Variants in CASC3 observed in about 807,000 individuals in gnomAD.
CASC3 encodes the protein protein CASC3.
A neutral mutation model predicts 80.5 loss-of-function variants in CASC3; 30 were observed. The observed-to-expected ratio is 0.37, with a 90% CI of 0.28 to 0.51. The LOEUF is 0.51. Ranked by LOEUF, CASC3 falls within the 20% of genes least tolerant of loss-of-function variation. CASC3 has a pLI of 0.94. For synonymous variants in CASC3, 312 were observed against 333.6 expected (o/e 0.94, Z 0.70); for missense variants, 824 against 922.2 (o/e 0.89, Z 1.38).
At chr17:40,150,053 G>A (rs182976047) in intron 3 of CASC3, among the ~76,000 whole-genome samples, 1 of 152,158 alleles carries the variant, frequency 6.6e-6, no homozygotes, top group South Asian at 2.1e-4. Flanking sequence ...AAGGAAGTTA[G>A]CGTTCCTTTC....
In CASC3 at chr17:40,142,579, G is replaced by C. The variant is rs548030190; in HGVS notation, c.297+972G>C. On this transcript the variant is annotated intron_variant, in intron 3 of 13. Coordinates refer to ENST00000264645, the MANE Select transcript of CASC3 (RefSeq NM_007359.5). The stretch of plus-strand genomic sequence containing the variant: ...TTGAGGCCAGGAGTTTGAGACCAAC[G>C]TGGCCAAAATGGTGAAACTCCATCT... 7.2e-5 allele frequency among the ~76,000 whole-genome samples: 11 copies of C among 152,222 alleles called. No individual in the cohort carries two copies. In the East Asian group the frequency reaches 1.7e-3, roughly 24 times the overall value.
At position 40,168,549 on chromosome 17, in the gene CASC3, C is replaced by T. The variant is rs555214305; in HGVS notation, c.1965+132C>T. The T allele has an allele frequency of 3.0e-4, 233 of 774,128 alleles. 3 individuals are homozygous for T. The highest frequency in any genetic ancestry group is 2.2e-3 in the Middle Eastern group (7 of 3,138). 48.0% of individuals were successfully genotyped at this position (774,128 alleles called of 1,614,324 possible). On this transcript the variant is annotated intron_variant, in intron 11 of 13. Transcript: ENST00000264645. ...CACTGATTTGTATGTGACACCAAGA[C>T]GCCTCTTAGTGGTCAGGAGCTGGAA...
intron 8 of CASC3, chr17:40,167,088 A>G: frequency 1.9e-6 from 1 of 530,228 alleles, no homozygotes; most frequent in African/African-American, 2.0e-5. Context: ...CAGCCTCCCG[A>G]GTAGCTGGCA....
In CASC3 at chr17:40,170,983, C is replaced by T. The variant is rs531133299; in HGVS notation, c.*578C>T. 1.0e-6 allele frequency: 1 copy of T among 985,508 alleles called. No individual in the cohort carries two copies. The highest frequency in any genetic ancestry group is 1.7e-5 in the African/African-American group (1 of 57,322). The allele number at this position is 985,508 out of a possible 1,614,324, so 61.0% of individuals were successfully genotyped here. On this transcript the variant is annotated 3_prime_UTR_variant, in exon 14 of 14. Transcript: ENST00000264645. ...GGAGAATGTATCAGCCAGCCTTCCC[C>T]ACCAAGTCTAAAAAGACCTGGCCTT...
intron 3 of CASC3, among the ~76,000 whole-genome samples, chr17:40,156,690 A>G (rs1195806094): frequency 1.3e-5 from 2 of 151,874 alleles, no homozygotes; most frequent in Admixed American, 6.6e-5. Context: ...CTCCGTTTCA[A>G]TAAAAAAAAA....
intron 3 of CASC3, among the ~76,000 whole-genome samples, 185 bp downstream of exon 3, chr17:40,141,792 G>A (rs1394695648): frequency 6.6e-6 from 1 of 152,162 alleles, no homozygotes; most frequent in East Asian, 1.9e-4. Flanking sequence ...CTTGGGGCAC[G>A]CCGTCTCAAG....
chr17:40,141,246 C>T lies in CASC3; in HGVS notation c.259+12C>T. 19 of 1,612,210 alleles carry T rather than the reference C, an allele frequency of 1.2e-5. No homozygotes were observed. The highest frequency in any genetic ancestry group is 1.6e-5 in the Non-Finnish European group (19 of 1,178,302). On this transcript the variant is annotated intron_variant, in intron 2 of 13. Coordinates refer to ENST00000264645, the MANE Select transcript of CASC3 (RefSeq NM_007359.5). ...CATTGAAGGTGATGGTGAGTAGCATCTTTTACCCCATTAGGACAAGAGTTT... is the reference window on the plus strand; with the variant it reads ...CATTGAAGGTGATGGTGAGTAGCATTTTTTACCCCATTAGGACAAGAGTTT...
chr17:40,141,733 T>C, intron 3 of CASC3, 126 bp downstream of exon 3: 2 of 802,272 alleles, frequency 2.5e-6, no homozygotes, highest in Admixed American at 4.5e-5. Flanking sequence ...CATTTATGCT[T>C]CTGAAAAAGT....
At chr17:40,147,133 T>C (rs776194873) in intron 3 of CASC3, among the ~76,000 whole-genome samples, 1 of 152,140 alleles carries the variant, frequency 6.6e-6, no homozygotes, top group East Asian at 1.9e-4. Context: ...CACTGAAGGC[T>C]TAAATGTGGG....
rs1480735203 is a variant in CASC3, at chr17:40,154,924, C to CT, written c.298-6826dup. Among the ~76,000 whole-genome samples, 4 of 152,286 alleles carry CT rather than the reference C, an allele frequency of 2.6e-5. No individual in the cohort carries two copies. In the East Asian group the frequency reaches 7.7e-4, roughly 29 times the overall value. On this transcript the variant is annotated intron_variant, in intron 3 of 13. Transcript: ENST00000264645. ...TTGTTTTTTGAGATGGAGTCTCGCT[C>CT]TTTCACCCAGGCTGGAGTGCAGTGG...
intron 3 of CASC3, among the ~76,000 whole-genome samples, chr17:40,157,371 T>A (rs7213016): frequency 0.56 from 76,520 of 135,828 alleles, 21,495 homozygotes; most frequent in East Asian, 0.78. Context: ...ATAAATAAAT[T>A]AATTAATTAA....
Position 40,169,463 on chromosome 17 carries a change from C to G in CASC3, c.2088+17C>G. ...CCACCTGAGGTATGAGAGTTCCTTC[C>G]TATACTTAATGCACATGCTCCGTCA... On this transcript the variant is annotated intron_variant, in intron 12 of 13. Coordinates refer to ENST00000264645, the MANE Select transcript of CASC3 (RefSeq NM_007359.5). The G allele has an allele frequency of 6.2e-7, 1 of 1,601,560 alleles. No individual in the cohort carries two copies. The highest frequency in any genetic ancestry group is 8.5e-7 in the Non-Finnish European group (1 of 1,174,864).
At chr17:40,161,082 C>T (rs1333306390) in intron 3 of CASC3, among the ~76,000 whole-genome samples, 3 of 151,730 alleles carry the variant, frequency 2.0e-5, no homozygotes, top group Non-Finnish European at 4.4e-5. Context: ...CTGGTTCAAA[C>T]GATTTTCCTG....
intron 5 of CASC3, among the ~76,000 whole-genome samples, chr17:40,162,437 T>TG (rs1324842587): frequency 6.6e-6 from 1 of 151,950 alleles, no homozygotes; most frequent in African/African-American, 2.4e-5. Context: ...GTGAAATACT[T>TG]GCATAGGTTG....
At chr17:40,167,388 C>T in intron 8 of CASC3, 110 bp from the exon 9 acceptor site, 1 of 672,350 alleles carries the variant, frequency 1.5e-6, no homozygotes, top group South Asian at 1.9e-5. Flanking sequence ...TGCAAATATC[C>T]ATTAAATACC....
intron 6 of CASC3, 28 bp downstream of exon 6, chr17:40,162,929 G>T: frequency 6.2e-7 from 1 of 1,605,230 alleles, no homozygotes; most frequent in Non-Finnish European, 8.5e-7. Flanking sequence ...CATAAGACCA[G>T]GCTGGGTATG....
At chr17:40,162,243 G>C in intron 5 of CASC3, 90 bp downstream of exon 5, 1 of 1,296,972 alleles carries the variant, frequency 7.7e-7, no homozygotes, top group South Asian at 1.4e-5. Context: ...ATTTATTACA[G>C]CATTTTAAGA....
chr17:40,141,161 C>T (rs1380229075), intron 1 of CASC3, 46 bp from the exon 2 acceptor site: 3 of 1,587,638 alleles, frequency 1.9e-6, no homozygotes, highest in Admixed American at 3.4e-5. Flanking sequence ...GGGCTCCCCA[C>T]CTCTGGAAAT....
intron 13 of CASC3, among the ~76,000 whole-genome samples, chr17:40,170,168 G>A (rs1442993598): frequency 6.6e-6 from 1 of 151,812 alleles, no homozygotes; most frequent in African/African-American, 2.4e-5. Context: ...GGTTGAAGTA[G>A]AAACGATTGT....
Sources: allele counts gnomAD v4.1 joint callset (sites outside exome capture counted in the v4.1 genomes callset), GRCh38; gene constraint gnomAD v4.1.1; transcripts MANE v1.5; gene names NCBI Gene and HGNC (gene_info 2026-07-23, HGNC 2026-07-21).